Variants in MREG observed in about 807,000 individuals in gnomAD.
The protein encoded by MREG is dilute suppressor protein homolog.
Under a neutral mutation model 28.5 loss-of-function variants are expected in MREG, and 31 were observed. That is an observed-to-expected ratio of 1.09 (90% CI 0.82 to 1.47). The LOEUF (loss-of-function observed/expected upper bound fraction) is 1.47, where lower values mean the gene tolerates loss of function less well. Ranked by LOEUF, MREG falls within the 40% of genes most tolerant of loss-of-function variation. MREG has a pLI of 0.00. For missense variants in MREG, 256 were observed against 257.4 expected (o/e 0.99, Z 0.04); for synonymous variants, 106 against 95.2 (o/e 1.11, Z -0.66).
At chr2:216,015,313 A>G (rs1694429749), upstream of MREG, among the ~76,000 whole-genome samples, 1 of 152,146 alleles carries the variant, frequency 6.6e-6, no homozygotes, top group Non-Finnish European at 1.5e-5. Context: ...TGAGCAAGCT[A>G]GCCATGATAT....
chr2:215,991,758 CTA>C (rs914551910), intron 2 of MREG, among the ~76,000 whole-genome samples: 1 of 152,152 alleles, frequency 6.6e-6, no homozygotes, highest in Non-Finnish European at 1.5e-5. Context: ...TCAGAAAATA[CTA>C]TAAACACCTC....
chr2:215,986,028 C>T (rs556595062), intron 2 of MREG, among the ~76,000 whole-genome samples: 2 of 152,268 alleles, frequency 1.3e-5, no homozygotes, highest in South Asian at 4.1e-4. Context: ...TCTAGCTTCC[C>T]TCTTTCACCT....
intron 1 of MREG, among the ~76,000 whole-genome samples, chr2:216,021,723 A>G (rs1694525167): frequency 6.6e-6 from 1 of 152,212 alleles, no homozygotes; most frequent in African/African-American, 2.4e-5. Flanking sequence ...TGGGTGAAAT[A>G]ACACAGAAAG....
rs1692238255 is a variant in MREG, at chr2:215,943,646, C to T, written c.*1217G>A. 2.7e-6 allele frequency: 1 copy of T among 365,692 alleles called. No homozygotes were observed. Among genetic ancestry groups the T allele is most frequent in the Non-Finnish European group, 5.4e-6 (1 of 185,058 alleles). 22.7% of individuals were successfully genotyped at this position (365,692 alleles called of 1,614,324 possible). On this transcript the variant is annotated 3_prime_UTR_variant, in exon 5 of 5. Coordinates refer to ENST00000263268, the MANE Select transcript of MREG (RefSeq NM_018000.3). ...GACGAGGTCAGGAGATCGAGACCAT[C>T]GTGGCTAACATGGTGAAACCCCGTC...
rs1693873326 is a variant in MREG at position 215,996,359 on chromosome 2, T to C, written c.202A>G (p.Arg68Gly). The C allele has an allele frequency of 6.2e-7, 1 of 1,613,952 alleles. No individual in the cohort carries two copies. Among genetic ancestry groups the C allele is most frequent in the South Asian group, 1.1e-5 (1 of 91,082 alleles). ...ATGACTATCAAATTGTACAGGGTTCTGTCGTCGTCTGCCTCTGTGTGGGAC... is the reference window on the plus strand; with the variant it reads ...ATGACTATCAAATTGTACAGGGTTCCGTCGTCGTCTGCCTCTGTGTGGGAC... ...DVSHTEADDD[R>G]TLYNLIVIRN... The change falls in exon 2 of 5, where the codon AGA becomes GGA. Residue 68 changes from arginine (R) to glycine (G), a missense_variant. Physicochemically the swap from Arg to Gly is moderately radical, Grantham distance 125 (BLOSUM62 -2). Transcript: ENST00000263268.
upstream of MREG, among the ~76,000 whole-genome samples, chr2:216,016,371 G>T (rs113601288): frequency 2.6e-5 from 4 of 152,320 alleles, no homozygotes; most frequent in African/African-American, 9.6e-5. Flanking sequence ...GTGGGTAAAG[G>T]AGGGTCCCAA....
chr2:216,015,685 G>A (rs1282092036), upstream of MREG, among the ~76,000 whole-genome samples: 2 of 152,172 alleles, frequency 1.3e-5, no homozygotes, highest in Non-Finnish European at 2.9e-5. Flanking sequence ...GATGACAGTG[G>A]TTTACACCAG....
At chr2:215,962,885 C>T (rs950117445) in intron 2 of MREG, among the ~76,000 whole-genome samples, 2 of 152,174 alleles carry the variant, frequency 1.3e-5, no homozygotes, top group African/African-American at 4.8e-5. Flanking sequence ...CTTGTAATCC[C>T]AGCAATTTGG....
intron 1 of MREG, among the ~76,000 whole-genome samples, chr2:215,997,824 A>G (rs1693910399): frequency 6.6e-6 from 1 of 152,228 alleles, no homozygotes; most frequent in South Asian, 2.1e-4. Context: ...CTGGGGTGGA[A>G]GGAAACAGGA....
chr2:216,005,420 A>G (rs1265027051), intron 1 of MREG, among the ~76,000 whole-genome samples: 1 of 148,610 alleles, frequency 6.7e-6, no homozygotes, highest in Non-Finnish European at 1.5e-5. Flanking sequence ...AGGTGGTTAC[A>G]CGAGTATTCA....
chr2:215,999,049 A>C (rs899603544), intron 1 of MREG, among the ~76,000 whole-genome samples: 1 of 152,250 alleles, frequency 6.6e-6, no homozygotes, highest in South Asian at 2.1e-4. Flanking sequence ...ACAAGGGCAG[A>C]GTTATTCCTT....
At chr2:215,940,045 A>G (rs937807360), downstream of MREG, among the ~76,000 whole-genome samples, 2 of 152,216 alleles carry the variant, frequency 1.3e-5, no homozygotes, top group Non-Finnish European at 2.9e-5. Context: ...GTGAGAAACA[A>G]TATCAAATAA....
chr2:215,974,709 A>T (rs72946795), intron 2 of MREG, among the ~76,000 whole-genome samples: 26,254 of 151,786 alleles, frequency 0.17, 2,492 homozygotes, highest in East Asian at 0.4. Context: ...AGAATCTTAG[A>T]CCCTTGGAAA....
chr2:215,993,287 C>A (rs1476480190), intron 2 of MREG, among the ~76,000 whole-genome samples: 1 of 152,170 alleles, frequency 6.6e-6, no homozygotes, highest in African/African-American at 2.4e-5. Context: ...ACCATCTGAT[C>A]TTTGACAAAC....
At chr2:215,961,529 G>C (rs1175365225) in intron 2 of MREG, among the ~76,000 whole-genome samples, 3 of 152,080 alleles carry the variant, frequency 2.0e-5, no homozygotes, top group African/African-American at 7.2e-5. Flanking sequence ...GGGTTCAAGC[G>C]ATTCGCCTGC....
chr2:215,945,030 T>C, intron 4 of MREG, 33 bp from the exon 5 acceptor site: 5 of 1,541,598 alleles, frequency 3.2e-6, no homozygotes, highest in Non-Finnish European at 4.4e-6. Context: ...AAAAAACTGC[T>C]GGCAAGATAG....
intron 1 of MREG, among the ~76,000 whole-genome samples, chr2:216,022,867 G>C (rs1182809454): frequency 6.6e-6 from 1 of 152,228 alleles, no homozygotes; most frequent in Non-Finnish European, 1.5e-5. Context: ...GTGACTCGAA[G>C]TTGCAAAATA....
chr2:215,979,390 G>C (rs547227601), intron 2 of MREG, among the ~76,000 whole-genome samples: 2 of 151,574 alleles, frequency 1.3e-5, no homozygotes, highest in East Asian at 3.9e-4. Context: ...TTGAACCCGG[G>C]AGGCGGAGAT....
chr2:215,994,410 CAG>C (rs1254283335), intron 2 of MREG, among the ~76,000 whole-genome samples: 7 of 151,534 alleles, frequency 4.6e-5, no homozygotes, highest in Admixed American at 2.6e-4. Context: ...TTGGGCCTGT[CAG>C]GGGGTGGGGG....
Sources: allele counts gnomAD v4.1 joint callset (sites outside exome capture counted in the v4.1 genomes callset), GRCh38; gene constraint gnomAD v4.1.1; transcripts MANE v1.5; gene names NCBI Gene and HGNC (gene_info 2026-07-23, HGNC 2026-07-21).